Variants in TRPM1 observed in about 807,000 individuals in gnomAD.
TRPM1 encodes the protein TRPM1-203 APA Isoform, Intron 10.
A neutral mutation model predicts 149.4 loss-of-function variants in TRPM1; 113 were observed. The ratio of observed to expected loss-of-function variants is 0.76; its 90% CI spans 0.65 to 0.88. The LOEUF (loss-of-function observed/expected upper bound fraction) is 0.88. Among genes scored for constraint, TRPM1 ranks in the 40% least tolerant of loss-of-function variants. The pLI is 0.00. For synonymous variants in TRPM1, 741 were observed against 759.5 expected (o/e 0.98, Z 0.40); for missense variants, 1,976 against 2,038.7 (o/e 0.97, Z 0.59).
intron 27 of TRPM1, among the ~76,000 whole-genome samples, chr15:31,013,731 G>GTTGTTGT (rs1426419338): frequency 6.6e-6 from 1 of 152,060 alleles, no homozygotes; most frequent in Non-Finnish European, 1.5e-5. Context: ...GTTTAGTGTA[G>GTTGTTGT]TTGTTGTTTG....
chr15:31,018,027 TTTTA>T (rs551081520), intron 27 of TRPM1, among the ~76,000 whole-genome samples: 270 of 152,226 alleles, frequency 1.8e-3, no homozygotes, highest in African/African-American at 6.4e-3. Context: ...TTTTATTTAA[TTTTA>T]TTTATTTGTT....
intron 20 of TRPM1, among the ~76,000 whole-genome samples, chr15:31,036,357 C>T (rs1437348747): frequency 6.6e-6 from 1 of 152,140 alleles, no homozygotes; most frequent in Non-Finnish European, 1.5e-5. Context: ...CTGGGTCCCT[C>T]ACTGGCACAG....
rs1555425189 is a variant in TRPM1, at chr15:31,070,246, A to ATTAAATGAGTT, written c.84-21_84-20insAACTCATTTAA. ...CAACACCTGAAAACAAAGGCAAAGC[A>ATTAAATGAGTT]GGGTCTTTCTACAACAATCTCCCCC... On this transcript the variant is annotated intron_variant, in intron 3 of 27. Coordinates refer to ENST00000256552, the MANE Select transcript of TRPM1 (RefSeq NM_001252024.2). 1.3e-6 allele frequency: 2 copies of ATTAAATGAGTT among 1,599,190 alleles called. No individual in the cohort carries two copies. Among genetic ancestry groups the ATTAAATGAGTT allele is most frequent in the Non-Finnish European group, 1.7e-6 (2 of 1,168,676 alleles).
chr15:31,136,675 C>T (rs553317893), intron 1 of TRPM1, among the ~76,000 whole-genome samples: 1 of 151,844 alleles, frequency 6.6e-6, no homozygotes, highest in East Asian at 1.9e-4. Flanking sequence ...GTCCTTGTCT[C>T]ATAAGGAAAG....
intron 27 of TRPM1, among the ~76,000 whole-genome samples, chr15:31,016,165 G>T (rs564733504): frequency 6.6e-6 from 1 of 152,248 alleles, no homozygotes; most frequent in South Asian, 2.1e-4. Flanking sequence ...AGATTATCAT[G>T]GCTGTGTTAT....
At chr15:31,144,378 A>G (rs560263585) in intron 1 of TRPM1, among the ~76,000 whole-genome samples, 247 of 152,320 alleles carry the variant, frequency 1.6e-3, no homozygotes, top group Non-Finnish European at 2.7e-3. Context: ...TCAAGGCTGC[A>G]ATGAGCCATG....
intron 23 of TRPM1, among the ~76,000 whole-genome samples, chr15:31,029,681 A>G (rs1399146557): frequency 2.0e-5 from 3 of 152,236 alleles, no homozygotes; most frequent in Non-Finnish European, 4.4e-5. Context: ...AGTTAAAAAT[A>G]CTGTGAAAAA....
At chr15:31,147,003 G>T (rs1420608044) in intron 1 of TRPM1, among the ~76,000 whole-genome samples, 3 of 150,364 alleles carry the variant, frequency 2.0e-5, no homozygotes, top group Admixed American at 1.3e-4. Flanking sequence ...AAAAAAAAAT[G>T]ACCAATTCAA....
chr15:31,136,149 G>A (rs908584971), intron 1 of TRPM1, among the ~76,000 whole-genome samples: 1 of 152,082 alleles, frequency 6.6e-6, no homozygotes, highest in Non-Finnish European at 1.5e-5. Context: ...ATCTCTGGGA[G>A]AGTGGGAGGA....
At chr15:31,143,808 A>G (rs1028252984) in intron 1 of TRPM1, among the ~76,000 whole-genome samples, 7 of 152,188 alleles carry the variant, frequency 4.6e-5, no homozygotes, top group African/African-American at 1.7e-4. Context: ...TTGTAAACAA[A>G]AATTAGAACG....
At position 31,049,393 on chromosome 15, in the gene TRPM1, C is replaced by T. The variant is rs2033874400; in HGVS notation, c.1554G>A (p.Leu518=). Residue 518 remains leucine, a synonymous_variant, in exon 13 of 28, where the codon CTG becomes CTA. Transcript: ENST00000256552. ...NMQHFLTIPR[L]EELYNTRLGP... ...CACTCACTGTGTTATAAAGCTCCTCCAGCCTCGGAATGGTCAGAAAGTGTT... is the reference window on the plus strand; with the variant it reads ...CACTCACTGTGTTATAAAGCTCCTCTAGCCTCGGAATGGTCAGAAAGTGTT... 6.2e-7 allele frequency: 1 copy of T among 1,614,116 alleles called. No individual in the cohort carries two copies. The highest frequency in any genetic ancestry group is 1.3e-5 in the African/African-American group (1 of 74,946).
intron 1 of TRPM1, among the ~76,000 whole-genome samples, chr15:31,113,546 C>T (rs181390980): frequency 5.7e-4 from 86 of 150,384 alleles, no homozygotes; most frequent in African/African-American, 2.1e-3. Flanking sequence ...CTTTGTACTC[C>T]TAAAATGTTT....
chr15:31,096,613 C>T (rs138708059), intron 1 of TRPM1, among the ~76,000 whole-genome samples: 344 of 152,310 alleles, frequency 2.3e-3, no homozygotes, highest in African/African-American at 7.7e-3. Flanking sequence ...AGTGCCTGGT[C>T]TGGGTTTCAG....
At chr15:31,012,105 T>A (rs1158302564) in intron 27 of TRPM1, among the ~76,000 whole-genome samples, 1 of 152,248 alleles carries the variant, frequency 6.6e-6, no homozygotes. Context: ...GATTGCTTTA[T>A]GTGGTTGTCT....
At chr15:31,017,230 A>T (rs2032398881) in intron 27 of TRPM1, among the ~76,000 whole-genome samples, 1 of 151,762 alleles carries the variant, frequency 6.6e-6, no homozygotes, top group Non-Finnish European at 1.5e-5. Context: ...GGTTGCTTGA[A>T]CCCGGGAGGC....
In TRPM1 at chr15:31,077,047, T is replaced by C. The variant is rs1360558198; in HGVS notation, c.4-63A>G. Reference sequence around the variant, plus strand: ...TTCCCAAGCCATCATCAGAGTCCATTCTTATACCTTTATAAAACAATATGT... The same window carrying C: ...TTCCCAAGCCATCATCAGAGTCCATCCTTATACCTTTATAAAACAATATGT... On this transcript the variant is annotated intron_variant, in intron 2 of 27. Coordinates refer to ENST00000256552, the MANE Select transcript of TRPM1 (RefSeq NM_001252024.2). 4 of 1,088,310 alleles carry C rather than the reference T, an allele frequency of 3.7e-6. No individual in the cohort carries two copies. In the African/African-American group the frequency reaches 4.7e-5, roughly 13 times the overall value. 67.4% of individuals were successfully genotyped at this position (1,088,310 alleles called of 1,614,324 possible).
Position 31,062,596 on chromosome 15 carries a change from T to G in TRPM1, c.1072A>C (p.Met358Leu), listed in dbSNP as rs1479935930. The change falls in exon 9 of 28, where the codon ATG becomes CTG. Residue 358 changes from methionine (M) to leucine (L), a missense_variant. Physicochemically the swap from Met to Leu is conservative, Grantham distance 15. Transcript: ENST00000256552. The stretch of plus-strand genomic sequence containing the variant: ...ACACTTACGAGTTCTTTCTTCTTCA[T>G]GCACTCCATTATAATTGCAAACAGC... Reference protein sequence around the residue: ...HQLFAIIMECMKKKELVTVFR... With the variant: ...HQLFAIIMECLKKKELVTVFR... 1 of 1,614,172 alleles carries G rather than the reference T, an allele frequency of 6.2e-7. No homozygotes were observed. The highest frequency in any genetic ancestry group is 8.5e-7 in the Non-Finnish European group (1 of 1,180,036).
chr15:31,022,698 A>T (rs2032589792), intron 27 of TRPM1, among the ~76,000 whole-genome samples: 1 of 152,152 alleles, frequency 6.6e-6, no homozygotes, highest in South Asian at 2.1e-4. Flanking sequence ...TCCATGAGGG[A>T]ACTCATTAAG....
chr15:31,026,607 C>A (rs2032770488), intron 26 of TRPM1, among the ~76,000 whole-genome samples: 1 of 152,084 alleles, frequency 6.6e-6, no homozygotes, highest in African/African-American at 2.4e-5. Context: ...TCTTTAGATG[C>A]AACAAATTAA....
Sources: gnomAD v4.1 joint callset for allele counts (sites outside exome capture counted in the v4.1 genomes callset) on GRCh38, gnomAD v4.1.1 for gene constraint, MANE v1.5 for transcripts, NCBI Gene and HGNC (gene_info 2026-07-23, HGNC 2026-07-21) for gene names.